Variants in RABL6 observed in about 807,000 individuals in gnomAD.
RABL6 encodes the protein RAB, member RAS oncogene family like 6.
RABL6 carries 28 observed loss-of-function variants against 72.9 expected under a neutral mutation model. That is an observed-to-expected ratio of 0.38 (90% CI 0.28 to 0.53). The LOEUF (loss-of-function observed/expected upper bound fraction) is 0.53, where lower values mean the gene tolerates loss of function less well. Among genes scored for constraint, RABL6 ranks in the 20% least tolerant of loss-of-function variants. The probability of loss-of-function intolerance (pLI) is 0.80; values close to 1 mark genes in which losing one functional copy is unlikely to be tolerated. For missense variants in RABL6, 1,029 were observed against 1,008.4 expected (o/e 1.02, Z -0.28); for synonymous variants, 477 against 421.2 (o/e 1.13, Z -1.62).
chr9:136,838,120 C>A, intron 10 of RABL6, 105 bp downstream of exon 10: 1 of 1,365,048 alleles, frequency 7.3e-7, no homozygotes, highest in Non-Finnish European at 1.0e-6. Flanking sequence ...GGCCCCCCGC[C>A]GGCTGGTCAC....
In RABL6 at chr9:136,827,655, TC is replaced by T. The variant is rs552204696; in HGVS notation, c.314-835del. On this transcript the variant is annotated intron_variant, in intron 3 of 14. Transcript: ENST00000311502. ...GGGAGGCTCCTCCGGGCTGGCTCTG[TC>T]CCCTGTACCTTGTGAGGGAGGGGCT... The T allele has an allele frequency of 8.5e-5, 13 of 152,424 alleles. No individual in the cohort carries two copies. The East Asian group carries it at 2.5e-3, about 30-fold the overall frequency. The allele number at this position is 152,424 out of a possible 1,614,324, so 9.4% of individuals were successfully genotyped here.
At chr9:136,822,192 C>T in intron 1 of RABL6, 3 of 944,774 alleles carry the variant, frequency 3.2e-6, no homozygotes, top group South Asian at 1.6e-5. Flanking sequence ...TGACAGAAAA[C>T]CTGGGGGGGG....
At chr9:136,815,236 CT>C in intron 1 of RABL6, 1 of 305,692 alleles carries the variant, frequency 3.3e-6, no homozygotes. Context: ...GCTGCCAGTG[CT>C]TTGCCTGCTA....
intron 2 of RABL6, among the ~76,000 whole-genome samples, chr9:136,824,361 C>G (rs1379221871): frequency 9.1e-6 from 1 of 110,316 alleles, no homozygotes; most frequent in Non-Finnish European, 1.7e-5. Context: ...GAGACAGAGT[C>G]TCACTGTCGC....
In RABL6 at chr9:136,823,685, G is replaced by A. The variant is rs369554307; in HGVS notation, c.265+26G>A. On this transcript the variant is annotated intron_variant, in intron 2 of 14. Coordinates refer to ENST00000311502, the MANE Select transcript of RABL6 (RefSeq NM_024718.5). Reference sequence around the variant, plus strand: ...GTAAGTGTGGTGGGTGCCCCAGTGGGTTCGGGCTCCAGGCTTCTCCTCCCT... The same window carrying A: ...GTAAGTGTGGTGGGTGCCCCAGTGGATTCGGGCTCCAGGCTTCTCCTCCCT... 5.2e-4 allele frequency: 820 copies of A among 1,583,440 alleles called. 4 individuals carry two copies. The Middle Eastern group carries it at 0.015, about 28-fold the overall frequency.
chr9:136,813,046 C>A, intron 1 of RABL6: 1 of 382,014 alleles, frequency 2.6e-6, no homozygotes. Context: ...AGAGCCAAAG[C>A]CTTTGGGGCA....
chr9:136,829,330 TGTGGG>T, intron 4 of RABL6, 58 bp from the exon 5 acceptor site: 1 of 1,261,646 alleles, frequency 7.9e-7, no homozygotes, highest in South Asian at 1.3e-5. Flanking sequence ...TTTCTAAAAC[TGTGGG>T]CCACACGGGT....
chr9:136,830,339 T>C (rs1335265439), intron 5 of RABL6, among the ~76,000 whole-genome samples: 1 of 152,256 alleles, frequency 6.6e-6, no homozygotes, highest in Non-Finnish European at 1.5e-5. Flanking sequence ...CCAGCCATGC[T>C]CTGGGCCTCT....
At chr9:136,810,289 T>G (rs1190971379) in intron 1 of RABL6, among the ~76,000 whole-genome samples, 3 of 152,120 alleles carry the variant, frequency 2.0e-5, no homozygotes, top group African/African-American at 7.2e-5. Context: ...ACCACCCCTG[T>G]GTGGTCCTGG....
rs1848088005 is a variant in RABL6 at position 136,814,979 on chromosome 9, C to A, written c.130+6653C>A. Reference sequence around the variant, plus strand: ...ATTCCCAGCCATCCTCTTGGCTTTCCCAGGAACAGCATTTGTAGAAGCTTT... The same window carrying A: ...ATTCCCAGCCATCCTCTTGGCTTTCACAGGAACAGCATTTGTAGAAGCTTT... On this transcript the variant is annotated intron_variant, in intron 1 of 14. Transcript: ENST00000311502. 1.8e-5 allele frequency: 3 copies of A among 171,000 alleles called. No individual in the cohort carries two copies. In the South Asian group the frequency reaches 3.8e-4, roughly 22 times the overall value. 10.6% of individuals were successfully genotyped at this position (171,000 alleles called of 1,614,324 possible).
intron 1 of RABL6, chr9:136,814,511 C>CT (rs1334475311): frequency 6.6e-6 from 1 of 152,130 alleles, no homozygotes; most frequent in African/African-American, 2.4e-5. Flanking sequence ...CAGGAGCAGA[C>CT]TTGTTAAAGT....
Position 136,840,522 on chromosome 9 carries a change from G to GGCCAGA in RABL6, c.*3_*4insAGAGCC. ...GGGGTGGCGACTACGAGGAGCTCTAGGCCGGCGTGGGCAGTGGCCGCCCTG... is the reference window on the plus strand; with the variant it reads ...GGGGTGGCGACTACGAGGAGCTCTAGGCCAGAGCCGGCGTGGGCAGTGGCCGCCCTG... On this transcript the variant is annotated 3_prime_UTR_variant, in exon 15 of 15. Coordinates refer to ENST00000311502, the MANE Select transcript of RABL6 (RefSeq NM_024718.5). 1.3e-6 allele frequency: 2 copies of GGCCAGA among 1,541,212 alleles called. No homozygotes were observed. Among genetic ancestry groups the GGCCAGA allele is most frequent in the Non-Finnish European group, 8.7e-7 (1 of 1,143,776 alleles).
intron 1 of RABL6, among the ~76,000 whole-genome samples, chr9:136,817,749 G>A (rs749732049): frequency 3.2e-4 from 49 of 152,092 alleles, no homozygotes; most frequent in Non-Finnish European, 6.3e-4. Flanking sequence ...AGTTGAGCTC[G>A]AAACACAGGA....
chr9:136,828,539 C>G lies in RABL6; in HGVS notation c.359C>G (p.Pro120Arg). The G allele has an allele frequency of 6.2e-7, 1 of 1,613,228 alleles. No individual in the cohort carries two copies. Among genetic ancestry groups the G allele is most frequent in the African/African-American group, 1.3e-5 (1 of 75,028 alleles). ...GACGGCTTAAAGATGGAGAACGACC[C>G]CCAGGAGGTGAGTGCCAGGTACACA... The part of the protein sequence containing the change: ...RGDGLKMEND[P>R]QEAESEMALD... The change falls in exon 4 of 15, where the codon CCC becomes CGC. Residue 120 changes from proline to arginine, a missense_variant. Coordinates refer to ENST00000311502, the MANE Select transcript of RABL6 (RefSeq NM_024718.5).
At chr9:136,813,785 T>A (rs1848062795) in intron 1 of RABL6, among the ~76,000 whole-genome samples, 1 of 152,060 alleles carries the variant, frequency 6.6e-6, no homozygotes, top group Non-Finnish European at 1.5e-5. Flanking sequence ...CCAGCTAATT[T>A]TTTGTATTTT....
intron 1 of RABL6, chr9:136,809,809 A>G (rs1445754534): frequency 6.2e-6 from 1 of 160,156 alleles, no homozygotes; most frequent in Middle Eastern, 3.4e-3. Context: ...CAAACAATCC[A>G]TTGCGTTTGT....
At position 136,819,977 on chromosome 9, in the gene RABL6, C is replaced by T. The variant is rs533452330; in HGVS notation, c.131-3548C>T. Among the ~76,000 whole-genome samples, 4 of 152,066 alleles carry T rather than the reference C, an allele frequency of 2.6e-5. No individual in the cohort carries two copies. In the East Asian group the frequency reaches 7.7e-4, roughly 29 times the overall value. On this transcript the variant is annotated intron_variant, in intron 1 of 14. Transcript: ENST00000311502. ...TAGCACTTTAGGAGGCCAAGATGGG[C>T]GGATTGCCTGAGCTCAGGAGTTTGA...
At chr9:136,820,463 C>A (rs1848213766) in intron 1 of RABL6, among the ~76,000 whole-genome samples, 1 of 152,050 alleles carries the variant, frequency 6.6e-6, no homozygotes, top group Non-Finnish European at 1.5e-5. Context: ...CCTCCACCTC[C>A]TGGGGTTAAG....
chr9:136,840,662 G>C lies in RABL6; in HGVS notation c.*140G>C. The C allele has an allele frequency of 6.5e-7, 1 of 1,549,446 alleles. No individual in the cohort carries two copies. Among genetic ancestry groups the C allele is most frequent in the Non-Finnish European group, 8.7e-7 (1 of 1,146,850 alleles). On this transcript the variant is annotated 3_prime_UTR_variant, in exon 15 of 15. Transcript: ENST00000311502. ...CTGAGCTGGAAGAGGCCGGGCATTG[G>C]TGGTCCCCAGGCTGGGCCCTGCAGG...
Sources: allele counts gnomAD v4.1 joint callset (sites outside exome capture counted in the v4.1 genomes callset), GRCh38; gene constraint gnomAD v4.1.1; transcripts MANE v1.5; gene names NCBI Gene and HGNC (gene_info 2026-07-23, HGNC 2026-07-21).